Variants in HABP2 observed in about 807,000 individuals in gnomAD.
HABP2 encodes factor VII-activating protease.
Under a neutral mutation model 66.5 loss-of-function variants are expected in HABP2, and 65 were observed. The observed-to-expected ratio is 0.98, with a 90% CI of 0.80 to 1.20. HABP2 has a LOEUF of 1.20. Ranked by LOEUF, HABP2 falls within the 50% of genes most tolerant of loss-of-function variation. HABP2 has a pLI of 0.00. For synonymous variants in HABP2, 263 were observed against 253.9 expected, an observed-to-expected ratio of 1.04 and a Z score of -0.34; for missense variants, 786 against 691.0, an observed-to-expected ratio of 1.14 and a Z score of -1.54.
chr10:113,580,443 G>A, intron 7 of HABP2, 152 bp from the exon 8 acceptor site: 1 of 588,480 alleles, frequency 1.7e-6, no homozygotes, highest in Non-Finnish European at 3.1e-6. Context: ...ACACCCTTCT[G>A]TTCTAAGGTT....
rs138864377 is a variant in HABP2, at chr10:113,581,984, G to A, written c.947G>A (p.Gly316Glu). 1,088 of 1,614,200 alleles carry A rather than the reference G, an allele frequency of 6.7e-4. 14 individuals carry two copies. In the Admixed American group the frequency reaches 0.014, roughly 21 times the overall value. The change falls in exon 9 of 13, where the codon GGA (glycine) becomes GAA (glutamate). Residue 316 changes from glycine to glutamate, a missense_variant. Transcript: ENST00000351270. ...GAGAGGAAGATCAAGAGAATCTATG[G>A]AGGCTTTAAGAGCACGGCGGGCAAG... Reference protein sequence around the residue: ...IAERKIKRIYGGFKSTAGKHP... With the variant: ...IAERKIKRIYEGFKSTAGKHP...
At position 113,589,200 on chromosome 10, in the gene HABP2, C is replaced by T; in HGVS notation, c.*831C>T. On this transcript the variant is annotated 3_prime_UTR_variant, in exon 13 of 13. Transcript: ENST00000351270. ...CATTTAACAGGCTCACCCTCCCTTT[C>T]CTTTTCCCCTCTTCTACCCTCCCCA... 1 of 739,258 alleles carries T rather than the reference C, an allele frequency of 1.4e-6. No individual in the cohort carries two copies. The highest frequency in any genetic ancestry group is 1.8e-5 in the South Asian group (1 of 54,642). The allele number at this position is 739,258 out of a possible 1,614,324, so 45.8% of individuals were successfully genotyped here. A position where few individuals can be genotyped will look rare whatever the true frequency, so the allele number is the denominator to read the frequency against.
At chr10:113,552,059 G>C (rs569338974), upstream of HABP2, among the ~76,000 whole-genome samples, 5 of 152,296 alleles carry the variant, frequency 3.3e-5, no homozygotes, top group Admixed American at 3.3e-4. Context: ...TTTTGGGCTG[G>C]GATCTGTGGG....
In HABP2 at chr10:113,583,213, C is replaced by T. The variant is rs745847632; in HGVS notation, c.1095-3C>T. The stretch of plus-strand genomic sequence containing the variant: ...TTCCTGACCATCTCATTTTCCCTTG[C>T]AGCATAAAAACCAGACATCTAAAGG... On this transcript the variant is annotated splice_region_variant and splice_polypyrimidine_tract_variant and intron_variant, in intron 9 of 12. Transcript: ENST00000351270. 2 of 1,613,424 alleles carry T rather than the reference C, an allele frequency of 1.2e-6. No homozygotes were observed. The highest frequency in any genetic ancestry group is 1.7e-6 in the Non-Finnish European group (2 of 1,179,682).
rs773900145 is a variant in HABP2 at position 113,589,269 on chromosome 10, C to A, written c.*900C>A. The A allele has an allele frequency of 1.2e-5, 7 of 594,408 alleles. No individual in the cohort carries two copies. The highest frequency in any genetic ancestry group is 4.3e-5 in the South Asian group (2 of 46,520). The allele number at this position is 594,408 out of a possible 1,614,324, so 36.8% of individuals were successfully genotyped here. On this transcript the variant is annotated 3_prime_UTR_variant, in exon 13 of 13. Transcript: ENST00000351270. ...GCAGGAATGAGAAAGCAAAGCCAATCTCTCATTTAGACCTGGCTTCTTTCT... is the reference window on the plus strand; with the variant it reads ...GCAGGAATGAGAAAGCAAAGCCAATATCTCATTTAGACCTGGCTTCTTTCT...
At chr10:113,560,992 C>A (rs1845090154) in intron 1 of HABP2, among the ~76,000 whole-genome samples, 1 of 152,190 alleles carries the variant, frequency 6.6e-6, no homozygotes, top group Admixed American at 6.5e-5. Context: ...CTGAAAGGTA[C>A]ACTTACAAAT....
At chr10:113,566,911 C>T (rs1187394055) in intron 1 of HABP2, among the ~76,000 whole-genome samples, 4 of 152,074 alleles carry the variant, frequency 2.6e-5, no homozygotes, top group Admixed American at 2.0e-4. Flanking sequence ...ATTTGTAGGT[C>T]ATGGCAGGTG....
At chr10:113,575,786 T>C (rs1845396688) in intron 3 of HABP2, 111 bp from the exon 4 acceptor site, 1 of 687,660 alleles carries the variant, frequency 1.5e-6, no homozygotes, top group Non-Finnish European at 2.6e-6. Flanking sequence ...TCTGGCTCAG[T>C]AGTTACTCTC....
intron 3 of HABP2, 152 bp from the exon 4 acceptor site, chr10:113,575,745 G>A (rs1047313754): frequency 3.1e-6 from 2 of 643,562 alleles, no homozygotes; most frequent in Non-Finnish European, 5.6e-6. Flanking sequence ...GCTGTTTAGG[G>A]ACAACATATG....
chr10:113,586,070 G>C, intron 12 of HABP2, 132 bp downstream of exon 12: 2 of 752,956 alleles, frequency 2.7e-6, no homozygotes, highest in South Asian at 3.4e-5. Flanking sequence ...ACACAGGTGA[G>C]CTGTGTCTGC....
intron 1 of HABP2, among the ~76,000 whole-genome samples, chr10:113,561,347 C>T (rs1042078235): frequency 6.6e-6 from 1 of 152,172 alleles, no homozygotes; most frequent in Admixed American, 6.5e-5. Context: ...GCAGCCACTG[C>T]CCTCTGCCAC....
intron 1 of HABP2, among the ~76,000 whole-genome samples, chr10:113,566,544 A>G (rs1845201606): frequency 6.6e-6 from 1 of 152,276 alleles, no homozygotes; most frequent in Non-Finnish European, 1.5e-5. Context: ...TGGGTAATAC[A>G]TCAATGACAA....
intron 1 of HABP2, among the ~76,000 whole-genome samples, chr10:113,555,201 A>C (rs1258565170): frequency 6.6e-6 from 1 of 152,208 alleles, no homozygotes; most frequent in Admixed American, 6.5e-5. Context: ...GGACCCCAAG[A>C]AGTAATTCCT....
chr10:113,565,898 A>G (rs571748636), intron 1 of HABP2, among the ~76,000 whole-genome samples: 48 of 152,302 alleles, frequency 3.2e-4, no homozygotes, highest in African/African-American at 1.1e-3. Context: ...TGGATCTGTC[A>G]TGTTCCTCAT....
chr10:113,555,235 C>T (rs1290478769), intron 1 of HABP2, among the ~76,000 whole-genome samples: 3 of 152,336 alleles, frequency 2.0e-5, no homozygotes, highest in South Asian at 4.1e-4. Context: ...TTTACAGAAA[C>T]GAAGCTGGAA....
chr10:113,585,276 A>G (rs1845612666), intron 11 of HABP2, among the ~76,000 whole-genome samples: 1 of 152,186 alleles, frequency 6.6e-6, no homozygotes, highest in Non-Finnish European at 1.5e-5. Flanking sequence ...GCCTCAGGTT[A>G]GAATTATTTT....
intron 7 of HABP2, among the ~76,000 whole-genome samples, 194 bp from the exon 8 acceptor site, chr10:113,580,401 A>G (rs1016921994): frequency 5.3e-5 from 8 of 152,196 alleles, no homozygotes; most frequent in Non-Finnish European, 1.0e-4. Flanking sequence ...TTTCCTCTAG[A>G]AGAAAAGATT....
upstream of HABP2, among the ~76,000 whole-genome samples, chr10:113,551,703 G>T (rs1844901695): frequency 1.3e-5 from 2 of 152,180 alleles, no homozygotes; most frequent in Admixed American, 1.3e-4. Context: ...CTATTCAGGA[G>T]GCTGAGGCAG....
intron 1 of HABP2, among the ~76,000 whole-genome samples, chr10:113,566,813 G>T (rs1845205661): frequency 6.6e-6 from 1 of 152,232 alleles, no homozygotes; most frequent in Non-Finnish European, 1.5e-5. Context: ...AGGCCCTGAG[G>T]TGGGAGGAAT....
Sources: gnomAD v4.1 joint callset for allele counts (sites outside exome capture counted in the v4.1 genomes callset) on GRCh38, gnomAD v4.1.1 for gene constraint, MANE v1.5 for transcripts, NCBI Gene and HGNC (gene_info 2026-07-23, HGNC 2026-07-21) for gene names.